The following CHMP3 variants were observed in gnomAD, a reference collection of about 807,000 sequenced individuals.
CHMP3 encodes 25.1 protein.
Under a neutral mutation model 27.4 loss-of-function variants are expected in CHMP3, and 8 were observed. The observed-to-expected ratio is 0.29, with a 90% CI of 0.17 to 0.53. CHMP3 has a LOEUF of 0.53. Ranked by LOEUF, CHMP3 falls within the 20% of genes least tolerant of loss-of-function variation. CHMP3 has a pLI of 0.96. For missense variants in CHMP3, 208 were observed against 271.5 expected (o/e 0.77, Z 1.64); for synonymous variants, 86 against 85.5 (o/e 1.01, Z -0.03).
intron 1 of CHMP3, among the ~76,000 whole-genome samples, chr2:86,547,029 T>A (rs959369429): frequency 6.6e-6 from 1 of 152,216 alleles, no homozygotes; most frequent in South Asian, 2.1e-4. Flanking sequence ...TCTTAAAGTC[T>A]CAGCTTAAAT....
chr2:86,555,431 G>A (rs1677081626), intron 1 of CHMP3, among the ~76,000 whole-genome samples: 1 of 151,862 alleles, frequency 6.6e-6, no homozygotes, highest in Non-Finnish European at 1.5e-5. Flanking sequence ...GAACCCAGGA[G>A]GTGGAGACTG....
chr2:86,539,493 G>A (rs1041823621), intron 2 of CHMP3, among the ~76,000 whole-genome samples: 1 of 151,962 alleles, frequency 6.6e-6, no homozygotes, highest in African/African-American at 2.4e-5. Flanking sequence ...ACAAATAACA[G>A]GAAACCTACA....
At chr2:86,508,695 T>C (rs1674980921) in intron 4 of CHMP3, among the ~76,000 whole-genome samples, 1 of 152,186 alleles carries the variant, frequency 6.6e-6, no homozygotes, top group Non-Finnish European at 1.5e-5. Context: ...GTGACTATGC[T>C]GAAGGGTTCA....
At position 86,563,312 on chromosome 2, in the gene CHMP3, T is replaced by G; in HGVS notation, c.37A>C (p.Lys13Gln). 1 of 1,614,104 alleles carries G rather than the reference T, an allele frequency of 6.2e-7. No individual in the cohort carries two copies. Among genetic ancestry groups the G allele is most frequent in the Non-Finnish European group, 8.5e-7 (1 of 1,179,956 alleles). Residue 13 changes from lysine to glutamine, a missense_variant, in exon 1 of 6, where the codon AAA becomes CAA. This residue lies in a region of CHMP3 where 52 missense variants were observed against 43.5 expected (regional missense o/e 1.19). Transcript: ENST00000263856. ...GCCGCCGTAGCCCTTACCAGTTCTT[T>G]GGGCGGCTTCTCCTGGGTCTTTCCA... The part of the protein sequence containing the change: ...LFGKTQEKPP[K>Q]ELVNEWSLKI...
At chr2:86,535,655 C>T (rs1313143118) in intron 2 of CHMP3, among the ~76,000 whole-genome samples, 2 of 152,106 alleles carry the variant, frequency 1.3e-5, no homozygotes, top group East Asian at 1.9e-4. Context: ...TACAGGCGCG[C>T]ACCACACGCC....
chr2:86,533,731 C>G (rs1220810476), intron 2 of CHMP3, among the ~76,000 whole-genome samples: 1 of 151,650 alleles, frequency 6.6e-6, no homozygotes, highest in Non-Finnish European at 1.5e-5. Flanking sequence ...CCTCAAACTC[C>G]TGGGCTCAAG....
chr2:86,530,482 A>G (rs1158916684), intron 2 of CHMP3, among the ~76,000 whole-genome samples: 1 of 152,220 alleles, frequency 6.6e-6, no homozygotes, highest in Non-Finnish European at 1.5e-5. Flanking sequence ...TTCACTAAGC[A>G]TAATATTTTT....
At chr2:86,547,239 A>G (rs1676646735) in intron 1 of CHMP3, among the ~76,000 whole-genome samples, 1 of 152,240 alleles carries the variant, frequency 6.6e-6, no homozygotes, top group South Asian at 2.1e-4. Flanking sequence ...GGCACAAAGG[A>G]TAATAAATAT....
chr2:86,510,768 G>GT (rs1675074438), intron 3 of CHMP3: 8 of 306,558 alleles, frequency 2.6e-5, no homozygotes, highest in Non-Finnish European at 4.9e-5. Context: ...CCAGCTTGGA[G>GT]TAACTGTGAC....
At chr2:86,537,541 T>C (rs1676196728) in intron 2 of CHMP3, among the ~76,000 whole-genome samples, 1 of 152,254 alleles carries the variant, frequency 6.6e-6, no homozygotes, top group African/African-American at 2.4e-5. Flanking sequence ...GTATGCCTTA[T>C]GATTTTACTG....
At chr2:86,551,816 G>A (rs1190692633) in intron 1 of CHMP3, among the ~76,000 whole-genome samples, 2 of 152,166 alleles carry the variant, frequency 1.3e-5, no homozygotes, top group Non-Finnish European at 2.9e-5. Flanking sequence ...CAAAGGGTTG[G>A]TTCAAAGCAA....
chr2:86,530,222 A>C (rs1438430547), intron 2 of CHMP3, among the ~76,000 whole-genome samples: 2 of 152,028 alleles, frequency 1.3e-5, no homozygotes, highest in Non-Finnish European at 2.9e-5. Context: ...CGAACTGCTG[A>C]CCTCAGGTGA....
At chr2:86,524,790 G>C (rs1423086378) in intron 3 of CHMP3, among the ~76,000 whole-genome samples, 2 of 152,100 alleles carry the variant, frequency 1.3e-5, no homozygotes, top group African/African-American at 2.4e-5. Flanking sequence ...GTTTAAGCTG[G>C]GTGATAGGTA....
chr2:86,511,568 A>G (rs942456892), intron 3 of CHMP3: 1 of 151,610 alleles, frequency 6.6e-6, no homozygotes, highest in Non-Finnish European at 1.5e-5. Flanking sequence ...ATAAAATTTT[A>G]TAATTTTATA....
At chr2:86,547,116 AC>A (rs1011999735) in intron 1 of CHMP3, among the ~76,000 whole-genome samples, 2 of 152,092 alleles carry the variant, frequency 1.3e-5, no homozygotes, top group Middle Eastern at 3.2e-3. Flanking sequence ...AGAACCCTAT[AC>A]CCCCACCTCT....
At chr2:86,514,436 C>T (rs1055014345) in intron 3 of CHMP3, among the ~76,000 whole-genome samples, 4 of 152,194 alleles carry the variant, frequency 2.6e-5, no homozygotes, top group East Asian at 3.8e-4. Flanking sequence ...AATGAGCTCA[C>T]GTGCTATTTA....
intron 1 of CHMP3, among the ~76,000 whole-genome samples, chr2:86,549,900 G>A (rs911901641): frequency 2.8e-4 from 43 of 152,014 alleles, no homozygotes; most frequent in African/African-American, 7.7e-4. Flanking sequence ...CAGACGGGGC[G>A]GCCGGGCAGA....
chr2:86,539,030 T>C (rs7557796), intron 2 of CHMP3, among the ~76,000 whole-genome samples: 98,472 of 151,980 alleles, frequency 0.65, 32,161 homozygotes, highest in East Asian at 0.8. Flanking sequence ...CCCGAGTAAG[T>C]ATAGCCAATA....
chr2:86,546,438 CTTTTT>C (rs201399690), intron 1 of CHMP3, among the ~76,000 whole-genome samples: 5 of 136,044 alleles, frequency 3.7e-5, no homozygotes, highest in African/African-American at 1.4e-4. Flanking sequence ...TGAAGTTGGA[CTTTTT>C]TTTTTTTTTT....
Sources: gnomAD v4.1 joint callset for allele counts (sites outside exome capture counted in the v4.1 genomes callset) on GRCh38, gnomAD v4.1.1 for gene constraint, gnomAD v4.1.1 regional missense constraint, MANE v1.5 for transcripts, NCBI Gene and HGNC (gene_info 2026-07-23, HGNC 2026-07-21) for gene names.